Variants in NAV2 observed in about 807,000 individuals in gnomAD.
The protein encoded by NAV2 is helicase, APC down-regulated 1.
A neutral mutation model predicts 223.2 loss-of-function variants in NAV2; 54 were observed. The observed-to-expected ratio is 0.24, with a 90% CI of 0.19 to 0.30. The LOEUF (loss-of-function observed/expected upper bound fraction) is 0.30. Ranked by LOEUF, NAV2 falls within the 10% of genes least tolerant of loss-of-function variation. NAV2 has a pLI of 1.00. For missense variants in NAV2, 2,806 were observed against 3,147.5 expected (o/e 0.89, Z 2.60); for synonymous variants, 1,279 against 1,239.3 (o/e 1.03, Z -0.67).
At chr11:19,789,825 C>T (rs551671524) in intron 1 of NAV2, among the ~76,000 whole-genome samples, 3 of 152,142 alleles carry the variant, frequency 2.0e-5, no homozygotes, top group Admixed American at 6.5e-5. Flanking sequence ...GGACCAGACT[C>T]GGCTGTAAGA....
chr11:19,957,141 G>T (rs2047947843), intron 10 of NAV2, among the ~76,000 whole-genome samples: 2 of 152,150 alleles, frequency 1.3e-5, no homozygotes, highest in South Asian at 2.1e-4. Context: ...AGACTTAAAA[G>T]ATGCAATGAG....
At chr11:19,581,885 T>C (rs562388863) in intron 1 of NAV2, among the ~76,000 whole-genome samples, 7 of 152,322 alleles carry the variant, frequency 4.6e-5, no homozygotes, top group Non-Finnish European at 1.0e-4. Flanking sequence ...TACCCAGTAA[T>C]GGGATGGCTG....
At chr11:19,719,225 G>A (rs907357479) in intron 1 of NAV2, among the ~76,000 whole-genome samples, 2 of 152,206 alleles carry the variant, frequency 1.3e-5, no homozygotes, top group South Asian at 2.1e-4. Context: ...CATTTATGGA[G>A]CATCTGCTAT....
At chr11:19,630,655 G>A (rs1466865959) in intron 1 of NAV2, among the ~76,000 whole-genome samples, 1 of 152,172 alleles carries the variant, frequency 6.6e-6, no homozygotes, top group Admixed American at 6.5e-5. Flanking sequence ...GGGAGGCCAA[G>A]GAAGATGGAT....
chr11:19,498,818 C>CAT (rs2042878085), intron 1 of NAV2, among the ~76,000 whole-genome samples: 1 of 152,180 alleles, frequency 6.6e-6, no homozygotes, highest in Non-Finnish European at 1.5e-5. Flanking sequence ...CTGGGTTCCG[C>CAT]ATGTGCTGTT....
intron 10 of NAV2, among the ~76,000 whole-genome samples, chr11:19,965,110 G>C (rs768061263): frequency 1.3e-5 from 2 of 151,892 alleles, no homozygotes; most frequent in Non-Finnish European, 2.9e-5. Context: ...TGAGCCACTG[G>C]ACCCAGCCTC....
intron 5 of NAV2, 66 bp from the exon 6 acceptor site, chr11:19,892,368 C>T: frequency 6.7e-7 from 1 of 1,497,604 alleles, no homozygotes; most frequent in Non-Finnish European, 9.1e-7. Flanking sequence ...GGTTGCAGTT[C>T]CTTCTTCCTA....
At chr11:19,452,563 T>C (rs1012953687) in intron 1 of NAV2, among the ~76,000 whole-genome samples, 1 of 152,240 alleles carries the variant, frequency 6.6e-6, no homozygotes, top group Non-Finnish European at 1.5e-5. Flanking sequence ...AAACCCATTG[T>C]GAGTTGAAAA....
At chr11:19,626,351 A>T (rs2047170204) in intron 1 of NAV2, among the ~76,000 whole-genome samples, 1 of 152,008 alleles carries the variant, frequency 6.6e-6, no homozygotes, top group South Asian at 2.1e-4. Context: ...TATGTGGGTT[A>T]ATTTCTGGGT....
chr11:19,871,943 C>A (rs569080526), intron 4 of NAV2, among the ~76,000 whole-genome samples: 1 of 152,100 alleles, frequency 6.6e-6, no homozygotes, highest in Non-Finnish European at 1.5e-5. Context: ...AGGAAAATAT[C>A]CTTTCTCCAT....
intron 6 of NAV2, among the ~76,000 whole-genome samples, chr11:19,908,476 C>G (rs2043054391): frequency 6.6e-6 from 1 of 152,192 alleles, no homozygotes; most frequent in Non-Finnish European, 1.5e-5. Flanking sequence ...AAATAAATGC[C>G]TCTATCCTCT....
At chr11:19,670,433 A>C (rs2048546514) in intron 1 of NAV2, among the ~76,000 whole-genome samples, 1 of 152,186 alleles carries the variant, frequency 6.6e-6, no homozygotes, top group Admixed American at 6.5e-5. Flanking sequence ...GGCTCAACAG[A>C]TACTTGCCAA....
chr11:20,113,580 C>T (rs77564715), intron 36 of NAV2, among the ~76,000 whole-genome samples: 2,670 of 152,270 alleles, frequency 0.018, 61 homozygotes, highest in East Asian at 0.046. Flanking sequence ...TTGAGAAATA[C>T]ATGACAAGAG....
intron 1 of NAV2, among the ~76,000 whole-genome samples, chr11:19,750,096 C>T (rs976090201): frequency 1.3e-5 from 2 of 152,228 alleles, no homozygotes; most frequent in Admixed American, 1.3e-4. Flanking sequence ...CTTGATTTCT[C>T]TAACGAACCT....
chr11:20,061,444 C>T (rs996980967), intron 19 of NAV2, among the ~76,000 whole-genome samples: 1 of 151,902 alleles, frequency 6.6e-6, no homozygotes, highest in African/African-American at 2.4e-5. Context: ...TGGCGCACGC[C>T]TATAATCCCA....
chr11:20,051,878 G>A (rs1162005638), intron 17 of NAV2, among the ~76,000 whole-genome samples: 1 of 152,190 alleles, frequency 6.6e-6, no homozygotes, highest in Non-Finnish European at 1.5e-5. Context: ...AGACATGGGT[G>A]TGATCATTTT....
chr11:19,620,696 T>C (rs1300391033), intron 1 of NAV2, among the ~76,000 whole-genome samples: 1 of 152,242 alleles, frequency 6.6e-6, no homozygotes, highest in African/African-American at 2.4e-5. Flanking sequence ...TACAATCATG[T>C]CATCTCCAAA....
Position 19,643,419 on chromosome 11 carries a change from G to GT in NAV2, c.76-189060dup, listed in dbSNP as rs1348638462. Among the ~76,000 whole-genome samples, 799 of 150,374 alleles carry GT rather than the reference G, an allele frequency of 5.3e-3. 11 individuals are homozygous for GT. The highest frequency in any genetic ancestry group is 0.019 in the African/African-American group (761 of 40,826). ...TATGAGTGAGAACATGCGGTGTTTG[G>GT]TTTTTCGTCCTTGCGATAGTTTGCT... is the stretch of plus-strand genomic sequence containing the variant. On this transcript the variant is annotated intron_variant, in intron 1 of 37. Transcript: ENST00000360655.
At chr11:19,449,626 T>C (rs943078428) in intron 1 of NAV2, among the ~76,000 whole-genome samples, 6 of 2,502 alleles carry the variant, frequency 2.4e-3, no homozygotes, top group African/African-American at 0.012. Context: ...GTTGTGGGGG[T>C]GGGGGGGTAG....
Sources: gnomAD v4.1 joint callset for allele counts (sites outside exome capture counted in the v4.1 genomes callset) on GRCh38, gnomAD v4.1.1 for gene constraint, MANE v1.5 for transcripts, NCBI Gene and HGNC (gene_info 2026-07-23, HGNC 2026-07-21) for gene names.